The following ERI3 variants were observed in gnomAD, a reference collection of about 807,000 sequenced individuals.
ERI3 encodes ERI1 exoribonuclease family member 3, also known as ERI1 exoribonuclease 3.
Under a neutral mutation model 44.4 loss-of-function variants are expected in ERI3, and 18 were observed. The ratio of observed to expected loss-of-function variants is 0.41; its 90% CI spans 0.28 to 0.60. The LOEUF (loss-of-function observed/expected upper bound fraction) is 0.60. ERI3 is among the 20% of genes least tolerant of loss of function. ERI3 has a pLI of 0.36. For missense variants in ERI3, 294 were observed against 435.5 expected, an observed-to-expected ratio of 0.68 and a Z score of 2.89; for synonymous variants, 183 against 164.8, an observed-to-expected ratio of 1.11 and a Z score of -0.84.
chr1:44,241,862 T>A lies in ERI3; in HGVS notation c.931+6077A>T. 1.5e-6 allele frequency: 1 copy of A among 658,114 alleles called. No individual in the cohort carries two copies. The highest frequency in any genetic ancestry group is 1.9e-6 in the Non-Finnish European group (1 of 533,290). The allele number at this position is 658,114 out of a possible 1,614,324, so 40.8% of individuals were successfully genotyped here. ...TACATACATACATACAGGAGAACCT[T>A]CTTCCATCCATCTGTCCATCAACTC... On this transcript the variant is annotated intron_variant, in intron 8 of 8. Coordinates refer to ENST00000372257, the MANE Select transcript of ERI3 (RefSeq NM_024066.3). The surrounding 1 kb of genome is among the most constrained non-coding windows in gnomAD (Gnocchi z 5.6).
At chr1:44,316,677 G>A (rs985943874) in intron 4 of ERI3, among the ~76,000 whole-genome samples, 4 of 152,144 alleles carry the variant, frequency 2.6e-5, no homozygotes, top group African/African-American at 9.7e-5. Flanking sequence ...TTTCTCTTCA[G>A]ACAAAGAGAC....
At position 44,221,987 on chromosome 1, in the gene ERI3, G is replaced by A. The variant is rs1225817437; in HGVS notation, c.932-347C>T. Reference sequence around the variant, plus strand: ...CCTTGACGGCCCCCGGCCGCTGGGCGATCCTTCTTGTTGCTGCCGCGTGGG... The same window carrying A: ...CCTTGACGGCCCCCGGCCGCTGGGCAATCCTTCTTGTTGCTGCCGCGTGGG... On this transcript the variant is annotated intron_variant, in intron 8 of 8. Transcript: ENST00000372257. This position sits in a 1 kb window ranked among gnomAD's most constrained non-coding sequence, Gnocchi z 5.9. Among the ~76,000 whole-genome samples, 3 of 152,236 alleles carry A rather than the reference G, an allele frequency of 2.0e-5. No individual in the cohort carries two copies. Among genetic ancestry groups the A allele is most frequent in the East Asian group, 1.9e-4 (1 of 5,198 alleles).
intron 8 of ERI3, among the ~76,000 whole-genome samples, chr1:44,223,439 CTA>C (rs975592175): frequency 2.0e-5 from 3 of 151,992 alleles, no homozygotes; most frequent in African/African-American, 7.3e-5. Context: ...AACAGAGAGA[CTA>C]TGATAGGGTG....
intron 6 of ERI3, among the ~76,000 whole-genome samples, chr1:44,299,078 A>C (rs1645669812): frequency 6.6e-6 from 1 of 151,960 alleles, no homozygotes. Flanking sequence ...AAGGTTCTTG[A>C]TCTTGACCTG....
intron 7 of ERI3, 149 bp downstream of exon 7, chr1:44,284,686 T>G: frequency 2.1e-5 from 13 of 633,392 alleles, no homozygotes; most frequent in East Asian, 2.8e-5. Flanking sequence ...TTTCAGTGCA[T>G]ATTAGCTAAG....
intron 6 of ERI3, among the ~76,000 whole-genome samples, chr1:44,290,236 T>C (rs1645476829): frequency 6.6e-6 from 1 of 152,176 alleles, no homozygotes; most frequent in Non-Finnish European, 1.5e-5. Context: ...ACTACTGTAT[T>C]CCATGTGATA....
At chr1:44,296,366 G>A (rs942685771) in intron 6 of ERI3, among the ~76,000 whole-genome samples, 2 of 152,212 alleles carry the variant, frequency 1.3e-5, no homozygotes, top group African/African-American at 4.8e-5. Context: ...CCAGAATGCT[G>A]CTCCTCCTTC....
chr1:44,331,960 T>C (rs1646438758), intron 3 of ERI3, among the ~76,000 whole-genome samples: 1 of 152,226 alleles, frequency 6.6e-6, no homozygotes, highest in Non-Finnish European at 1.5e-5. Flanking sequence ...GTGGTTATCA[T>C]ACAGCCTAAT....
chr1:44,292,035 C>G (rs1037370375), intron 6 of ERI3, among the ~76,000 whole-genome samples: 2 of 152,174 alleles, frequency 1.3e-5, no homozygotes, highest in Admixed American at 6.5e-5. Flanking sequence ...AAGGAGCCAA[C>G]CAAGGGTAAC....
chr1:44,340,996 A>G (rs1646641408), intron 2 of ERI3, among the ~76,000 whole-genome samples: 1 of 152,238 alleles, frequency 6.6e-6, no homozygotes, highest in Non-Finnish European at 1.5e-5. Context: ...TCTAGTTTGG[A>G]TCCAAAGTCC....
intron 8 of ERI3, chr1:44,243,298 A>G (rs1007144393): frequency 6.6e-6 from 1 of 152,234 alleles, no homozygotes; most frequent in African/African-American, 2.4e-5. Flanking sequence ...AGGCAGGACC[A>G]CCCAGCCGGG....
chr1:44,339,402 T>C, intron 2 of ERI3, 80 bp from the exon 3 acceptor site: 1 of 1,393,494 alleles, frequency 7.2e-7, no homozygotes, highest in Non-Finnish European at 9.4e-7. Context: ...CCTGGGTTAC[T>C]CCCTCCCACT....
At chr1:44,354,244 A>G in intron 1 of ERI3, 1 of 985,426 alleles carries the variant, frequency 1.0e-6, no homozygotes, top group Non-Finnish European at 1.2e-6. Flanking sequence ...GACAAGAGTA[A>G]ATGCCATTGA....
In ERI3 at chr1:44,228,723, G is replaced by A. The variant is rs1194813282; in HGVS notation, c.932-7083C>T. On this transcript the variant is annotated intron_variant, in intron 8 of 8. Transcript: ENST00000372257. The surrounding 1 kb of genome is among the most constrained non-coding windows in gnomAD (Gnocchi z 4.3). Reference sequence around the variant, plus strand: ...GGATGTGCCTGGCCGGGAGGGCACAGTGCCTGGAAACCCCTTTGCCAGCAT... The same window carrying A: ...GGATGTGCCTGGCCGGGAGGGCACAATGCCTGGAAACCCCTTTGCCAGCAT... Among the ~76,000 whole-genome samples, 1 of 152,178 alleles carries A rather than the reference G, an allele frequency of 6.6e-6. No homozygotes were observed. Among genetic ancestry groups the A allele is most frequent in the Non-Finnish European group, 1.5e-5 (1 of 68,040 alleles).
intron 8 of ERI3, among the ~76,000 whole-genome samples, chr1:44,240,360 C>T (rs994158986): frequency 6.6e-6 from 1 of 152,234 alleles, no homozygotes; most frequent in African/African-American, 2.4e-5. Flanking sequence ...TCTGTGTTCA[C>T]AGGCTAGTAG....
intron 7 of ERI3, among the ~76,000 whole-genome samples, chr1:44,272,431 CA>C (rs1645105516): frequency 6.6e-6 from 1 of 152,198 alleles, no homozygotes; most frequent in South Asian, 2.1e-4. Flanking sequence ...CTGTGAGCCA[CA>C]TCCCACCTCC....
At chr1:44,336,180 C>G (rs1436622526) in intron 3 of ERI3, among the ~76,000 whole-genome samples, 1 of 152,174 alleles carries the variant, frequency 6.6e-6, no homozygotes, top group African/African-American at 2.4e-5. Flanking sequence ...AAGACCTAAA[C>G]AGCACAGGGG....
At chr1:44,240,416 T>C (rs1644408365) in intron 8 of ERI3, among the ~76,000 whole-genome samples, 1 of 152,168 alleles carries the variant, frequency 6.6e-6, no homozygotes, top group African/African-American at 2.4e-5. Flanking sequence ...CTCTCTTAAA[T>C]GGATCCAGGC....
intron 7 of ERI3, among the ~76,000 whole-genome samples, chr1:44,267,144 C>T (rs748247492): frequency 2.6e-5 from 4 of 152,192 alleles, no homozygotes; most frequent in Non-Finnish European, 5.9e-5. Flanking sequence ...ACCATTCTCA[C>T]AACCCTGTCC....
Sources: gnomAD v4.1 joint callset for allele counts (sites outside exome capture counted in the v4.1 genomes callset) on GRCh38, gnomAD v4.1.1 for gene constraint, Gnocchi (gnomAD v3.1) non-coding constraint, MANE v1.5 for transcripts, NCBI Gene and HGNC (gene_info 2026-07-23, HGNC 2026-07-21) for gene names.